Variants in SPG11 observed in about 807,000 individuals in gnomAD.
The protein encoded by SPG11 is SPG11 vesicle trafficking associated, spatacsin, also known as spatacsin.
Under a neutral mutation model 274.0 loss-of-function variants are expected in SPG11, and 222 were observed. The observed-to-expected ratio is 0.81, with a 90% CI of 0.73 to 0.91. The LOEUF (loss-of-function observed/expected upper bound fraction) is 0.91, where lower values mean the gene tolerates loss of function less well. Ranked by LOEUF, SPG11 falls within the 40% of genes least tolerant of loss-of-function variation. SPG11 has a pLI of 0.00. For missense variants in SPG11, 3,114 were observed against 2,872.7 expected, an observed-to-expected ratio of 1.08 and a Z score of -1.92; for synonymous variants, 1,144 against 1,039.7, an observed-to-expected ratio of 1.10 and a Z score of -1.93.
At chr15:44,646,804 A>G (rs1156590531) in intron 7 of SPG11, among the ~76,000 whole-genome samples, 1 of 152,082 alleles carries the variant, frequency 6.6e-6, no homozygotes, top group Non-Finnish European at 1.5e-5. Flanking sequence ...GAAGAGAACA[A>G]CAGACACTGG....
chr15:44,626,635 G>C, intron 10 of SPG11, 128 bp from the exon 11 acceptor site: 1 of 965,198 alleles, frequency 1.0e-6, no homozygotes. Context: ...TACTAGATTT[G>C]GAGTTAGGTT....
intron 21 of SPG11, chr15:44,600,253 T>C (rs1164375778): frequency 1.9e-6 from 1 of 527,464 alleles, no homozygotes; most frequent in African/African-American, 1.9e-5. Context: ...ATTATACAGA[T>C]ATGCCCTTTT....
At position 44,583,704 on chromosome 15, in the gene SPG11, T is replaced by C. The variant is rs559080627; in HGVS notation, c.5866+110A>G. ...CTACAGATTACCTGGAAAAAAGTTG[T>C]TGTCCCCTTAACTTGGTAGAACTAT... On this transcript the variant is annotated intron_variant, in intron 30 of 39. Coordinates refer to ENST00000261866, the MANE Select transcript of SPG11 (RefSeq NM_025137.4). The C allele has an allele frequency of 8.3e-6, 12 of 1,449,778 alleles. No homozygotes were observed. The East Asian group carries it at 2.5e-4, about 30-fold the overall frequency. 89.8% of individuals were successfully genotyped at this position (1,449,778 alleles called of 1,614,324 possible).
chr15:44,575,640 G>A (rs771543215), intron 30 of SPG11, among the ~76,000 whole-genome samples: 3 of 151,562 alleles, frequency 2.0e-5, no homozygotes, highest in Non-Finnish European at 2.9e-5. Context: ...GATTACAGGC[G>A]TGCACCACCA....
chr15:44,640,233 T>A (rs764421019), intron 7 of SPG11, among the ~76,000 whole-genome samples: 3 of 151,562 alleles, frequency 2.0e-5, no homozygotes, highest in Non-Finnish European at 4.4e-5. Context: ...ACAAAAACAC[T>A]TAGAATGAAC....
rs778305085 is a variant in SPG11, at chr15:44,563,298, A to C, written c.7155T>G (p.Tyr2385Ter). ...SSIFEEISKK[Y>*]KQHQPTDMVM... is the part of the protein sequence containing the mutation. ...CCATGTCAGTAGGCTGATGTTGTTTATATCTAGATAAAGAAACATAATGTA... is the reference window on the plus strand; with the variant it reads ...CCATGTCAGTAGGCTGATGTTGTTTCTATCTAGATAAAGAAACATAATGTA... Residue 2385 changes from tyrosine (Y) to a stop codon, truncating the protein, a stop_gained, in exon 40 of 40, where the codon TAT becomes TAG. Transcript: ENST00000261866. LOFTEE classifies it high-confidence loss of function. The C allele has an allele frequency of 1.9e-6, 3 of 1,612,100 alleles. No homozygotes were observed. Among genetic ancestry groups the C allele is most frequent in the Non-Finnish European group, 2.5e-6 (3 of 1,178,362 alleles).
chr15:44,577,502 C>CAAAAAA (rs755097423), intron 30 of SPG11, among the ~76,000 whole-genome samples: 3 of 91,474 alleles, frequency 3.3e-5, no homozygotes, highest in Non-Finnish European at 2.1e-5. Context: ...GGCCCTATCT[C>CAAAAAA]AAAAAAAAAA....
intron 7 of SPG11, among the ~76,000 whole-genome samples, chr15:44,648,512 CAAA>C (rs57643988): frequency 1.5e-4 from 8 of 54,182 alleles, no homozygotes; most frequent in Admixed American, 2.1e-4. Context: ...CACCCTGTGT[CAAA>C]AAAAAAAAAA....
chr15:44,662,269 C>G (rs2085132942), intron 1 of SPG11, among the ~76,000 whole-genome samples: 2 of 151,754 alleles, frequency 1.3e-5, no homozygotes, highest in African/African-American at 4.9e-5. Flanking sequence ...AAATGAATCT[C>G]TAAATGTCAG....
intron 26 of SPG11, 114 bp downstream of exon 26, chr15:44,595,145 A>G (rs1345211191): frequency 6.8e-6 from 7 of 1,023,698 alleles, no homozygotes; most frequent in Non-Finnish European, 1.0e-5. Context: ...TATTATCATC[A>G]TTATCTGTTG....
Position 44,567,997 on chromosome 15 carries a change from T to C in SPG11, c.6586-405A>G, listed in dbSNP as rs547824958. Among the ~76,000 whole-genome samples, 13 of 152,334 alleles carry C rather than the reference T, an allele frequency of 8.5e-5. 1 individual carries two copies. Among genetic ancestry groups the C allele is most frequent in the South Asian group, 2.1e-4 (1 of 4,826 alleles). On this transcript the variant is annotated intron_variant, in intron 35 of 39. Transcript: ENST00000261866. ...AATACCATGTAGCCATTAAAACTTA[T>C]GTAGGAGGATGATTTGTTGATTTGG...
intron 7 of SPG11, among the ~76,000 whole-genome samples, 193 bp from the exon 8 acceptor site, chr15:44,633,830 CTTTCT>C (rs1567178409): frequency 6.6e-6 from 1 of 151,808 alleles, no homozygotes; most frequent in Non-Finnish European, 1.5e-5. Flanking sequence ...ACTCTGTAAC[CTTTCT>C]TTTCCTTTCT....
chr15:44,661,639 CTGTT>C (rs1193783666), intron 1 of SPG11, among the ~76,000 whole-genome samples: 1 of 151,890 alleles, frequency 6.6e-6, no homozygotes, highest in Non-Finnish European at 1.5e-5. Context: ...ATTTTTCTGA[CTGTT>C]CATATTGATA....
chr15:44,567,398 G>A, intron 36 of SPG11, 26 bp downstream of exon 36: 1 of 1,603,942 alleles, frequency 6.2e-7, no homozygotes, highest in Admixed American at 1.7e-5. Context: ...GCACTGTTCT[G>A]GTAGTGTGGC....
chr15:44,633,712 C>G (rs2084152209), intron 7 of SPG11, 75 bp from the exon 8 acceptor site: 2 of 1,489,770 alleles, frequency 1.3e-6, no homozygotes, highest in African/African-American at 2.8e-5. Context: ...GATTTTTAAA[C>G]AAACTTTAGA....
intron 18 of SPG11, among the ~76,000 whole-genome samples, chr15:44,610,143 T>C (rs531611396): frequency 3.1e-4 from 47 of 151,948 alleles, no homozygotes; most frequent in Non-Finnish European, 3.1e-4. Flanking sequence ...CTTCAAGTGA[T>C]CCACTCGCCT....
At chr15:44,632,958 G>A (rs534386928) in intron 8 of SPG11, among the ~76,000 whole-genome samples, 11 of 152,234 alleles carry the variant, frequency 7.2e-5, no homozygotes, top group Admixed American at 2.0e-4. Context: ...CCTCTTCCTT[G>A]CATAATAAAA....
At position 44,585,702 on chromosome 15, in the gene SPG11, T is replaced by A; in HGVS notation, c.5055A>T (p.Gln1685His). The change falls in exon 29 of 40, where the codon CAA becomes CAT. Residue 1685 changes from glutamine to histidine, a missense_variant. By Grantham distance (24) the Gln-to-His change is conservative (BLOSUM62 0). Coordinates refer to ENST00000261866, the MANE Select transcript of SPG11 (RefSeq NM_025137.4). ...CTGCTACCCTCCTGGCCAAAGCGAA[T>A]TGTCCATCTGTCTGCAGTCTTTCCA... ...SILERLQTDG[Q>H]FALARRVAEL... is the part of the protein sequence containing the mutation. 1 of 1,613,804 alleles carries A rather than the reference T, an allele frequency of 6.2e-7. No homozygotes were observed. Among genetic ancestry groups the A allele is most frequent in the Non-Finnish European group, 8.5e-7 (1 of 1,179,936 alleles).
chr15:44,627,919 A>T lies in SPG11; in HGVS notation c.2067+750T>A, dbSNP rs954199568. Among the ~76,000 whole-genome samples, 4 of 152,204 alleles carry T rather than the reference A, an allele frequency of 2.6e-5. No homozygotes were observed. The South Asian group carries it at 8.3e-4, about 31-fold the overall frequency. ...CTTACTTTTTAAGGTTACAGAATGA[A>T]TAAGAGATACAGAAAATGCAGTCAC... On this transcript the variant is annotated intron_variant, in intron 10 of 39. Transcript: ENST00000261866.
Sources: allele counts gnomAD v4.1 joint callset (sites outside exome capture counted in the v4.1 genomes callset), GRCh38; gene constraint gnomAD v4.1.1; transcripts MANE v1.5; gene names NCBI Gene and HGNC (gene_info 2026-07-23, HGNC 2026-07-21).